Variants in GCSAML observed in about 807,000 individuals in gnomAD.
The protein encoded by GCSAML is germinal center-associated signaling and motility-like protein.
GCSAML carries 9 observed loss-of-function variants against 13.0 expected under a neutral mutation model. The ratio of observed to expected loss-of-function variants is 0.69; its 90% CI spans 0.42 to 1.21. GCSAML has a LOEUF of 1.21. Ranked by LOEUF, GCSAML falls within the 50% of genes most tolerant of loss-of-function variation. The pLI, the probability that GCSAML is intolerant of heterozygous loss-of-function variation, is 0.00. For missense variants in GCSAML, 143 were observed against 153.4 expected (o/e 0.93, Z 0.36); for synonymous variants, 37 against 52.9 (o/e 0.70, Z 1.31).
At chr1:247,507,464 T>C (rs779985499) in intron 1 of GCSAML, among the ~76,000 whole-genome samples, 2 of 152,246 alleles carry the variant, frequency 1.3e-5, no homozygotes, top group Non-Finnish European at 2.9e-5. Flanking sequence ...GCTGGAATTA[T>C]ACTTGACATT....
chr1:247,570,278 A>G (rs1668551503), intron 4 of GCSAML, among the ~76,000 whole-genome samples: 1 of 151,976 alleles, frequency 6.6e-6, no homozygotes, highest in Admixed American at 6.6e-5. Context: ...TTGCTTCTCT[A>G]GTTTTTTAAA....
At chr1:247,548,575 T>C (rs540479827), upstream of GCSAML, among the ~76,000 whole-genome samples, 4 of 152,356 alleles carry the variant, frequency 2.6e-5, no homozygotes, top group South Asian at 8.3e-4. This position sits in a 1 kb window ranked among gnomAD's most constrained non-coding sequence, Gnocchi z 5.3. Context: ...CTGATTATCG[T>C]TGCTAGAGCC....
chr1:247,548,964 G>C, upstream of GCSAML: 2 of 1,051,758 alleles, frequency 1.9e-6, no homozygotes, highest in Non-Finnish European at 2.7e-6. The surrounding 1 kb of genome is among the most constrained non-coding windows in gnomAD (Gnocchi z 5.3). Flanking sequence ...GTGTGTGTGC[G>C]TGCAGGCACA....
At chr1:247,538,682 G>T (rs1239587647) in intron 2 of GCSAML, 2 of 454,442 alleles carry the variant, frequency 4.4e-6, no homozygotes, top group Non-Finnish European at 8.8e-6. Context: ...ACAGAGGAAA[G>T]GCCAGATGAG....
In GCSAML at chr1:247,550,532, C is replaced by G. The variant is rs150012300; in HGVS notation, c.29+1312C>G. ...GGCACCTGTAATCCCAGCTACTCGG[C>G]AGGCTGGGGCAGGAGAATGGCGTGA... On this transcript the variant is annotated intron_variant, in intron 1 of 4. Coordinates refer to ENST00000366488, the MANE Select transcript of GCSAML (RefSeq NM_145278.5). 7.5e-3 allele frequency among the ~76,000 whole-genome samples: 1,138 copies of G among 152,108 alleles called. 7 individuals are homozygous for G. The highest frequency in any genetic ancestry group is 0.012 in the Admixed American group (186 of 15,260).
At chr1:247,510,141 T>C (rs1402636474) in intron 1 of GCSAML, among the ~76,000 whole-genome samples, 1 of 152,206 alleles carries the variant, frequency 6.6e-6, no homozygotes, top group East Asian at 1.9e-4. Flanking sequence ...CTGGGCTTTT[T>C]TTGGTTGACA....
At chr1:247,550,792 G>A (rs1236842534) in intron 1 of GCSAML, among the ~76,000 whole-genome samples, 1 of 152,104 alleles carries the variant, frequency 6.6e-6, no homozygotes, top group Non-Finnish European at 1.5e-5. Flanking sequence ...AAGAAAAAAT[G>A]TTTCCCTTCT....
intron 1 of GCSAML, among the ~76,000 whole-genome samples, chr1:247,550,501 G>C (rs1667733916): frequency 6.6e-6 from 1 of 152,102 alleles, no homozygotes; most frequent in Non-Finnish European, 1.5e-5. Context: ...GCCGGGCGTG[G>C]TGGTGGGCAC....
chr1:247,516,572 T>A (rs1486371390), intron 1 of GCSAML, among the ~76,000 whole-genome samples: 2 of 124,302 alleles, frequency 1.6e-5, no homozygotes, highest in South Asian at 2.9e-4. Context: ...TTTTTTTTTT[T>A]AAACTCCAGA....
upstream of GCSAML, among the ~76,000 whole-genome samples, chr1:247,544,813 C>T (rs572221860): frequency 8.5e-5 from 13 of 152,128 alleles, no homozygotes; most frequent in East Asian, 1.9e-4. Flanking sequence ...AAAGATCACA[C>T]GCTGCACTCC....
At chr1:247,529,504 A>G (rs886085157) in intron 2 of GCSAML, 4 of 152,244 alleles carry the variant, frequency 2.6e-5, no homozygotes, top group African/African-American at 9.7e-5. Flanking sequence ...TGTATGCCCT[A>G]AACCTGCAGT....
intron 2 of GCSAML, among the ~76,000 whole-genome samples, chr1:247,535,488 G>C (rs1251532418): frequency 6.6e-6 from 1 of 152,228 alleles, no homozygotes; most frequent in Non-Finnish European, 1.5e-5. Context: ...CCGCAGGTGA[G>C]CTGAAAAACA....
At chr1:247,554,023 G>T (rs548788122) in intron 1 of GCSAML, among the ~76,000 whole-genome samples, 6 of 152,184 alleles carry the variant, frequency 3.9e-5, no homozygotes, top group African/African-American at 1.4e-4. Context: ...GATCGAGTTG[G>T]ACCTGTGATT....
chr1:247,520,730 C>G (rs907251262), intron 1 of GCSAML, among the ~76,000 whole-genome samples: 5 of 152,090 alleles, frequency 3.3e-5, no homozygotes, highest in Non-Finnish European at 7.4e-5. Flanking sequence ...GTTCAAATAG[C>G]TGTTTCTTCA....
At chr1:247,570,491 T>A (rs1009716526) in intron 4 of GCSAML, among the ~76,000 whole-genome samples, 1 of 152,222 alleles carries the variant, frequency 6.6e-6, no homozygotes. Context: ...GAGCAGGTTG[T>A]TCAGTTTCCA....
chr1:247,507,411 G>T (rs1244414457), intron 1 of GCSAML, among the ~76,000 whole-genome samples: 1 of 152,156 alleles, frequency 6.6e-6, no homozygotes, highest in Admixed American at 6.5e-5. Flanking sequence ...TAAATTTAGA[G>T]ATTTGTGGAA....
chr1:247,564,601 G>T (rs1419352146), intron 3 of GCSAML, among the ~76,000 whole-genome samples: 2 of 152,130 alleles, frequency 1.3e-5, no homozygotes, highest in Non-Finnish European at 2.9e-5. Flanking sequence ...GTGATGATTT[G>T]ATATATGTAT....
chr1:247,546,984 T>C (rs1667607513), upstream of GCSAML, among the ~76,000 whole-genome samples: 1 of 149,858 alleles, frequency 6.7e-6, no homozygotes, highest in Non-Finnish European at 1.5e-5. Flanking sequence ...ACACCTGTGT[T>C]CCCAGCTACT....
Position 247,575,838 on chromosome 1 carries a change from G to C in GCSAML, c.*1456G>C, listed in dbSNP as rs185360170. The C allele has an allele frequency of 2.1e-4, 32 of 152,266 alleles. No homozygotes were observed. The highest frequency in any genetic ancestry group is 7.5e-4 in the African/African-American group (31 of 41,564). The allele number at this position is 152,266 out of a possible 1,614,324, so 9.4% of individuals were successfully genotyped here. ...CTGGTTTTAAAATTCAAGCAAACTG[G>C]AAAATAATCCATCTAATTATGCTTT... On this transcript the variant is annotated 3_prime_UTR_variant, in exon 5 of 5. Coordinates refer to ENST00000366488, the MANE Select transcript of GCSAML (RefSeq NM_145278.5).
Sources: allele counts gnomAD v4.1 joint callset (sites outside exome capture counted in the v4.1 genomes callset), GRCh38; gene constraint gnomAD v4.1.1; non-coding constraint Gnocchi (gnomAD v3.1); transcripts MANE v1.5; gene names NCBI Gene and HGNC (gene_info 2026-07-23, HGNC 2026-07-21).